The following RAPGEF1 variants were observed in gnomAD, a reference collection of about 807,000 sequenced individuals.
RAPGEF1 encodes CRK SH3-binding GNRP.
Under a neutral mutation model 143.3 loss-of-function variants are expected in RAPGEF1, and 33 were observed. The ratio of observed to expected loss-of-function variants is 0.23; its 90% CI spans 0.17 to 0.31. The LOEUF (loss-of-function observed/expected upper bound fraction) is 0.31, where lower values mean the gene tolerates loss of function less well. Among genes scored for constraint, RAPGEF1 ranks in the 10% least tolerant of loss-of-function variants. The pLI is 1.00. For missense variants in RAPGEF1, 1,199 were observed against 1,645.4 expected (o/e 0.73, Z 4.69); for synonymous variants, 629 against 676.5 (o/e 0.93, Z 1.09).
chr9:131,615,524 T>C (rs1354828090), intron 12 of RAPGEF1, among the ~76,000 whole-genome samples: 1 of 152,112 alleles, frequency 6.6e-6, no homozygotes, highest in African/African-American at 2.4e-5. Flanking sequence ...TGGGAGGTGC[T>C]GGTGAGAGAG....
intron 5 of RAPGEF1, 49 bp from the exon 6 acceptor site, chr9:131,630,373 G>C: frequency 1.9e-6 from 3 of 1,580,612 alleles, no homozygotes; most frequent in Non-Finnish European, 2.6e-6. Flanking sequence ...TCACCACTGA[G>C]TTTCCACCAG....
At chr9:131,630,803 C>T (rs1178810326) in intron 5 of RAPGEF1, among the ~76,000 whole-genome samples, 1 of 151,988 alleles carries the variant, frequency 6.6e-6, no homozygotes, top group Non-Finnish European at 1.5e-5. Context: ...GGCTGGGATC[C>T]TTGTCAATGG....
intron 1 of RAPGEF1, among the ~76,000 whole-genome samples, chr9:131,688,416 C>T (rs567282221): frequency 6.6e-6 from 1 of 152,188 alleles, no homozygotes; most frequent in Non-Finnish European, 1.5e-5. Flanking sequence ...ATGTTAACTA[C>T]CCATTAACAT....
In RAPGEF1 at chr9:131,584,469, A is replaced by C. The variant is rs1588165832; in HGVS notation, c.3312+49T>G. ...GAGGGCAGGCGGGTCCCGGGCTCCCAGAGCAGGGACTGATGATGGGGGCCT... is the reference window on the plus strand; with the variant it reads ...GAGGGCAGGCGGGTCCCGGGCTCCCCGAGCAGGGACTGATGATGGGGGCCT... On this transcript the variant is annotated intron_variant, in intron 23 of 26. Coordinates refer to ENST00000683357, the MANE Select transcript of RAPGEF1 (RefSeq NM_001377935.1). This position sits in a 1 kb window ranked among gnomAD's most constrained non-coding sequence, Gnocchi z 6.8. 9 of 1,612,656 alleles carry C rather than the reference A, an allele frequency of 5.6e-6. 2 individuals are homozygous for C. The highest frequency in any genetic ancestry group is 1.7e-4 in the Middle Eastern group (1 of 6,056).
intron 1 of RAPGEF1, among the ~76,000 whole-genome samples, chr9:131,719,330 C>T (rs537758895): frequency 3.4e-4 from 52 of 152,076 alleles, no homozygotes; most frequent in Non-Finnish European, 6.2e-4. Context: ...TGTTGTTTTT[C>T]CCTCGCAATA....
At chr9:131,736,304 C>A (rs1273364862) in intron 1 of RAPGEF1, among the ~76,000 whole-genome samples, 1 of 152,162 alleles carries the variant, frequency 6.6e-6, no homozygotes, top group Non-Finnish European at 1.5e-5. Context: ...GAAAGCCTCC[C>A]CTGCATCCCA....
rs372752256 is a variant in RAPGEF1, at chr9:131,689,495, G to A, written c.62-38546C>T. Among the ~76,000 whole-genome samples the A allele has an allele frequency of 2.6e-3, 397 of 152,206 alleles. 1 individual carries two copies. Among genetic ancestry groups the A allele is most frequent in the African/African-American group, 8.9e-3 (368 of 41,550 alleles). On this transcript the variant is annotated intron_variant, in intron 1 of 26. Transcript: ENST00000683357. Reference sequence around the variant, plus strand: ...AATGTAAAGGGGATAAAGGTTTATAGACGGATTAAATCATAGTTTCAAAAA... The same window carrying A: ...AATGTAAAGGGGATAAAGGTTTATAAACGGATTAAATCATAGTTTCAAAAA...
chr9:131,668,172 A>G (rs938096338), intron 1 of RAPGEF1, among the ~76,000 whole-genome samples: 1 of 152,170 alleles, frequency 6.6e-6, no homozygotes, highest in African/African-American at 2.4e-5. Context: ...CTTACCTGCC[A>G]GAGACGTGAA....
At chr9:131,597,581 C>G (rs549027429) in intron 16 of RAPGEF1, among the ~76,000 whole-genome samples, 7 of 152,350 alleles carry the variant, frequency 4.6e-5, no homozygotes, top group African/African-American at 1.7e-4. Flanking sequence ...ACTTCTAGCA[C>G]TGCACGGCAG....
intron 1 of RAPGEF1, among the ~76,000 whole-genome samples, chr9:131,700,615 T>C (rs948721231): frequency 7.2e-5 from 11 of 152,094 alleles, no homozygotes; most frequent in Non-Finnish European, 2.9e-5. Context: ...ATAGAAACAA[T>C]AGAATTTTTT....
chr9:131,619,328 A>G (rs559721644), intron 11 of RAPGEF1, 122 bp from the exon 12 acceptor site: 16 of 886,934 alleles, frequency 1.8e-5, no homozygotes, highest in Admixed American at 3.1e-5. Flanking sequence ...GACGTTCTGG[A>G]GAGGGATGGC....
In RAPGEF1 at chr9:131,621,742, C is replaced by T; in HGVS notation, c.1905+54G>A. ...GCCCCCAAGGAGGGTCATTCTGGTT[C>T]CTAGAGACCTGCTAGGATCGGAAGT... On this transcript the variant is annotated intron_variant, in intron 11 of 26. Coordinates refer to ENST00000683357, the MANE Select transcript of RAPGEF1 (RefSeq NM_001377935.1). The surrounding 1 kb of genome is among the most constrained non-coding windows in gnomAD (Gnocchi z 4.5). 1 of 1,519,682 alleles carries T rather than the reference C, an allele frequency of 6.6e-7. No individual in the cohort carries two copies. The highest frequency in any genetic ancestry group is 8.9e-7 in the Non-Finnish European group (1 of 1,123,668). The allele number at this position is 1,519,682 out of a possible 1,614,324, so 94.1% of individuals were successfully genotyped here.
chr9:131,729,564 G>A (rs995794622), intron 1 of RAPGEF1, among the ~76,000 whole-genome samples: 1 of 152,198 alleles, frequency 6.6e-6, no homozygotes, highest in African/African-American at 2.4e-5. Flanking sequence ...GGAAAGCCCC[G>A]GGGGAACCCC....
At chr9:131,699,141 T>G (rs1381853111) in intron 1 of RAPGEF1, among the ~76,000 whole-genome samples, 1 of 151,810 alleles carries the variant, frequency 6.6e-6, no homozygotes. Flanking sequence ...GTGTCTTCAC[T>G]CCCGCTTTCA....
At chr9:131,662,966 G>C (rs1386253737) in intron 1 of RAPGEF1, among the ~76,000 whole-genome samples, 2 of 151,768 alleles carry the variant, frequency 1.3e-5, no homozygotes, top group East Asian at 3.9e-4. Flanking sequence ...TCCACGCCTG[G>C]TTCCAACGTT....
chr9:131,643,430 G>A lies in RAPGEF1; in HGVS notation c.316-13C>T, dbSNP rs776507841. On this transcript the variant is annotated splice_polypyrimidine_tract_variant and intron_variant, in intron 3 of 26. Transcript: ENST00000683357. ...GCCAGCTCAGGTTCTGAAAGGAGAC[G>A]TTAGGCATAAGGAGGAGGAGAGAGA... The A allele has an allele frequency of 1.1e-5, 18 of 1,609,228 alleles. No homozygotes were observed. The highest frequency in any genetic ancestry group is 5.3e-5 in the African/African-American group (4 of 74,860).
Position 131,739,846 on chromosome 9 carries a change from C to T in RAPGEF1, c.-16G>A, listed in dbSNP as rs1457016961. 2 of 1,021,610 alleles carry T rather than the reference C, an allele frequency of 2.0e-6. No individual in the cohort carries two copies. The highest frequency in any genetic ancestry group is 4.8e-4 in the Middle Eastern group (1 of 2,094). 63.3% of individuals were successfully genotyped at this position (1,021,610 alleles called of 1,614,324 possible). On this transcript the variant is annotated 5_prime_UTR_variant, in exon 1 of 27. Transcript: ENST00000683357. ...CGCCGCTCATCGGGCCCGGGCCGGGCCGCCGCGGGGCGACAGGGGCGGCGC... is the reference window on the plus strand; with the variant it reads ...CGCCGCTCATCGGGCCCGGGCCGGGTCGCCGCGGGGCGACAGGGGCGGCGC...
chr9:131,679,177 A>C (rs950192473), intron 1 of RAPGEF1, among the ~76,000 whole-genome samples: 1 of 151,722 alleles, frequency 6.6e-6, no homozygotes, highest in Non-Finnish European at 1.5e-5. Flanking sequence ...GGGGGGGGCC[A>C]CAAGCAGCTG....
At chr9:131,708,733 C>CTT (rs1021137510) in intron 1 of RAPGEF1, among the ~76,000 whole-genome samples, 71 of 151,432 alleles carry the variant, frequency 4.7e-4, no homozygotes, top group African/African-American at 1.6e-3. Flanking sequence ...ATTTCTTTTT[C>CTT]TTTCTTTCTT....
Sources: allele counts gnomAD v4.1 joint callset (sites outside exome capture counted in the v4.1 genomes callset), GRCh38; gene constraint gnomAD v4.1.1; non-coding constraint Gnocchi (gnomAD v3.1); transcripts MANE v1.5; gene names NCBI Gene and HGNC (gene_info 2026-07-23, HGNC 2026-07-21).